Variants in SCN9A observed in about 807,000 individuals in gnomAD.
The protein encoded by SCN9A is sodium voltage-gated channel alpha subunit 9, also known as sodium channel protein type 9 subunit alpha.
Under a neutral mutation model 187.0 loss-of-function variants are expected in SCN9A, and 131 were observed. That is an observed-to-expected ratio of 0.70 (90% CI 0.61 to 0.81). SCN9A has a LOEUF of 0.81. SCN9A is among the 30% of genes least tolerant of loss of function. The probability of loss-of-function intolerance (pLI) is 0.00; values close to 1 mark genes in which losing one functional copy is unlikely to be tolerated. For missense variants in SCN9A, 2,252 were observed against 2,396.6 expected (o/e 0.94, Z 1.26); for synonymous variants, 809 against 808.6 (o/e 1.00, Z -0.01).
At chr2:166,320,687 G>A (rs562222303) in intron 1 of SCN9A, among the ~76,000 whole-genome samples, 1 of 152,198 alleles carries the variant, frequency 6.6e-6, no homozygotes, top group South Asian at 2.1e-4. Flanking sequence ...TGAGATGTGG[G>A]CATTACATGA....
At chr2:166,276,786 A>G in intron 16 of SCN9A, 197 bp downstream of exon 16, 1 of 371,722 alleles carries the variant, frequency 2.7e-6, no homozygotes, top group Non-Finnish European at 4.5e-6. Flanking sequence ...AAATATAAAT[A>G]TGGGTTATTT....
At chr2:166,304,121 A>G (rs1219079173) in intron 6 of SCN9A, 117 bp downstream of exon 6, 1 of 1,613,416 alleles carries the variant, frequency 6.2e-7, no homozygotes, top group African/African-American at 1.3e-5. Flanking sequence ...TCTGTCACAT[A>G]TCTGTAATAG....
chr2:166,371,527 T>A (rs1700563434), intron 1 of SCN9A, among the ~76,000 whole-genome samples: 1 of 152,200 alleles, frequency 6.6e-6, no homozygotes. Flanking sequence ...ATGAAGAAAT[T>A]TCATTTTTTA....
chr2:166,333,497 T>C (rs1250007241), intron 1 of SCN9A, among the ~76,000 whole-genome samples: 24 of 152,124 alleles, frequency 1.6e-4, no homozygotes, highest in Admixed American at 1.6e-3. Context: ...CATCGTGAAG[T>C]CCAGCTTATA....
At position 166,272,399 on chromosome 2, in the gene SCN9A, C is replaced by T. The variant is rs1438798129; in HGVS notation, c.3351G>A (p.Val1117=). The T allele has an allele frequency of 6.5e-7, 1 of 1,539,016 alleles. No individual in the cohort carries two copies. Among genetic ancestry groups the T allele is most frequent in the Non-Finnish European group, 8.8e-7 (1 of 1,131,492 alleles). Residue 1117 remains valine, a splice_region_variant and synonymous_variant, in exon 17 of 27, where the codon GTG becomes GTA. Coordinates refer to ENST00000642356, the MANE Select transcript of SCN9A (RefSeq NM_001365536.1). ...SSDSDSEYSK[V]RLNRSSSSEC... Reference sequence around the variant, plus strand: ...CACAAAGTATATGAAGCATTCTTACCACTTTGCTGTATTCACTATCCGAAT... The same window carrying T: ...CACAAAGTATATGAAGCATTCTTACTACTTTGCTGTATTCACTATCCGAAT...
intron 1 of SCN9A, among the ~76,000 whole-genome samples, chr2:166,317,690 A>G (rs1163973845): frequency 6.6e-6 from 1 of 152,090 alleles, no homozygotes; most frequent in Non-Finnish European, 1.5e-5. Flanking sequence ...TCTAGCATCT[A>G]TTTTTCTTCA....
At chr2:166,340,944 A>G (rs1443048242) in intron 1 of SCN9A, among the ~76,000 whole-genome samples, 1 of 152,110 alleles carries the variant, frequency 6.6e-6, no homozygotes, top group Non-Finnish European at 1.5e-5. Flanking sequence ...TTCTTCATGT[A>G]CAAATATATG....
chr2:166,292,417 T>C (rs1416240435), intron 9 of SCN9A, among the ~76,000 whole-genome samples: 1 of 152,124 alleles, frequency 6.6e-6, no homozygotes, highest in Admixed American at 6.6e-5. Context: ...CTTGCATATT[T>C]AAAAAATATT....
intron 18 of SCN9A, among the ~76,000 whole-genome samples, chr2:166,245,361 T>G (rs1433458959): frequency 1.3e-5 from 2 of 152,100 alleles, no homozygotes; most frequent in African/African-American, 4.8e-5. Flanking sequence ...AGAACCAGTT[T>G]ATAAAAATAT....
At chr2:166,328,940 T>C (rs1699430567) in intron 1 of SCN9A, among the ~76,000 whole-genome samples, 2 of 152,156 alleles carry the variant, frequency 1.3e-5, no homozygotes, top group African/African-American at 2.4e-5. Flanking sequence ...AAGTAATTGC[T>C]CTCAGGTTTA....
rs370267820 is a variant in SCN9A at position 166,199,530 on chromosome 2, C to A, written c.5109G>T (p.Leu1703Phe). The A allele has an allele frequency of 6.2e-7, 1 of 1,614,070 alleles. No homozygotes were observed. Among genetic ancestry groups the A allele is most frequent in the Non-Finnish European group, 8.5e-7 (1 of 1,180,042 alleles). The change falls in exon 27 of 27, where the codon TTG becomes TTT. Residue 1703 changes from leucine (L) to phenylalanine (F), a missense_variant. This residue lies in a region of SCN9A where 84 missense variants were observed against 134.2 expected (regional missense o/e 0.63). Coordinates refer to ENST00000642356, the MANE Select transcript of SCN9A (RefSeq NM_001365536.1). ...GCTTACTGTTAAGAATAGGTGCTAG[C>A]AATCCATCCCAGCCAGCAGAGGTTG... Reference protein sequence around the residue: ...QITTSAGWDGLLAPILNSKPP... With the variant: ...QITTSAGWDGFLAPILNSKPP...
At chr2:166,335,122 T>C (rs1054502025) in intron 1 of SCN9A, among the ~76,000 whole-genome samples, 2 of 152,170 alleles carry the variant, frequency 1.3e-5, no homozygotes, top group African/African-American at 4.8e-5. Flanking sequence ...CAAAACTTAC[T>C]TGCATTTTGA....
At chr2:166,214,640 G>T (rs1377388050) in intron 24 of SCN9A, among the ~76,000 whole-genome samples, 2 of 144,962 alleles carry the variant, frequency 1.4e-5, no homozygotes, top group African/African-American at 5.2e-5. Context: ...TCAGCCTCCC[G>T]AGTAGCTGGG....
chr2:166,196,280 T>C lies in SCN9A; in HGVS notation c.*2392A>G, dbSNP rs1391371725. 1 of 152,110 alleles carries C rather than the reference T, an allele frequency of 6.6e-6. No homozygotes were observed. The highest frequency in any genetic ancestry group is 1.5e-5 in the Non-Finnish European group (1 of 68,012). The allele number at this position is 152,110 out of a possible 1,614,324, so 9.4% of individuals were successfully genotyped here. A position where few individuals can be genotyped will look rare whatever the true frequency, so the allele number is the denominator to read the frequency against. On this transcript the variant is annotated 3_prime_UTR_variant, in exon 27 of 27. Transcript: ENST00000642356. The stretch of plus-strand genomic sequence containing the variant: ...CTTAATAAGCTCTTTCTTCCAAATA[T>C]TATTTTTAATTGATAAAAAGTCACA...
chr2:166,252,021 G>A (rs996575356), intron 17 of SCN9A, 136 bp from the exon 18 acceptor site: 1 of 924,946 alleles, frequency 1.1e-6, no homozygotes, highest in African/African-American at 1.7e-5. Context: ...CATAAAAAAT[G>A]TATAAACACA....
At chr2:166,259,432 TTAAGC>T (rs1468685103) in intron 17 of SCN9A, 1 of 151,786 alleles carries the variant, frequency 6.6e-6, no homozygotes, top group Non-Finnish European at 1.5e-5. Context: ...ATACTCAACG[TTAAGC>T]AATATATTTG....
At position 166,196,783 on chromosome 2, in the gene SCN9A, A is replaced by G. The variant is rs1326254673; in HGVS notation, c.*1889T>C. Reference sequence around the variant, plus strand: ...AACACTGCATGGTGTCTTTCATATTAAATTAAAAAGTGGTTCAAATAGCCT... The same window carrying G: ...AACACTGCATGGTGTCTTTCATATTGAATTAAAAAGTGGTTCAAATAGCCT... On this transcript the variant is annotated 3_prime_UTR_variant, in exon 27 of 27. Transcript: ENST00000642356. The G allele has an allele frequency of 6.6e-6, 1 of 152,142 alleles. No individual in the cohort carries two copies. The highest frequency in any genetic ancestry group is 6.5e-5 in the Admixed American group (1 of 15,270). The allele number at this position is 152,142 out of a possible 1,614,324, so 9.4% of individuals were successfully genotyped here.
intron 24 of SCN9A, among the ~76,000 whole-genome samples, chr2:166,219,884 T>A (rs536481985): frequency 3.3e-5 from 5 of 152,206 alleles, no homozygotes; most frequent in Non-Finnish European, 5.9e-5. Flanking sequence ...ATTTCTACAA[T>A]GTTTATGTAG....
chr2:166,230,436 T>C (rs1695033959), intron 21 of SCN9A, among the ~76,000 whole-genome samples: 2 of 152,150 alleles, frequency 1.3e-5, no homozygotes, highest in African/African-American at 2.4e-5. Flanking sequence ...AGCCTACCTT[T>C]TCATGCTCAT....
Sources: allele counts gnomAD v4.1 joint callset (sites outside exome capture counted in the v4.1 genomes callset), GRCh38; gene constraint gnomAD v4.1.1; regional missense constraint gnomAD v4.1.1; transcripts MANE v1.5; gene names NCBI Gene and HGNC (gene_info 2026-07-23, HGNC 2026-07-21).